CDH11: variants seen among roughly 807,000 people sequenced by gnomAD.
CDH11 encodes the protein cadherin 11, also known as cadherin-11.
Under a neutral mutation model 67.8 loss-of-function variants are expected in CDH11, and 11 were observed. The observed-to-expected ratio is 0.16, with a 90% confidence interval of 0.10 to 0.27. CDH11 has a LOEUF of 0.27. Among genes scored for constraint, CDH11 ranks in the 10% least tolerant of loss-of-function variants. CDH11 has a pLI of 1.00. For missense variants in CDH11, 847 were observed against 1,031.2 expected (o/e 0.82, Z 2.45); for synonymous variants, 419 against 400.0 (o/e 1.05, Z -0.57).
At chr16:64,948,713 G>T (rs1355907100) in intron 12 of CDH11, 9 of 1,603,984 alleles carry the variant, frequency 5.6e-6, no homozygotes, top group African/African-American at 2.7e-5. Context: ...TAGGAAAATA[G>T]CATCAGCTGG....
chr16:65,021,181 T>C (rs1269430677), intron 2 of CDH11, among the ~76,000 whole-genome samples: 1 of 152,150 alleles, frequency 6.6e-6, no homozygotes, highest in Non-Finnish European at 1.5e-5. Flanking sequence ...ATTCCCTACA[T>C]AGTTATTACA....
At chr16:64,970,530 T>C (rs2071976841) in intron 11 of CDH11, among the ~76,000 whole-genome samples, 1 of 152,176 alleles carries the variant, frequency 6.6e-6, no homozygotes, top group Admixed American at 6.5e-5. Flanking sequence ...TATGGTGGTG[T>C]TAAGAAAATT....
chr16:65,066,700 T>A (rs1266476575), intron 1 of CDH11, among the ~76,000 whole-genome samples: 2 of 152,230 alleles, frequency 1.3e-5, no homozygotes, highest in African/African-American at 2.4e-5. Context: ...GTCATTCTGT[T>A]CTTATGTGTT....
At chr16:65,013,369 G>A (rs1214000031) in intron 2 of CDH11, among the ~76,000 whole-genome samples, 1 of 152,158 alleles carries the variant, frequency 6.6e-6, no homozygotes, top group African/African-American at 2.4e-5. Flanking sequence ...TGTCAGAGGT[G>A]TGCAGGAGAA....
At chr16:65,100,809 G>A (rs117568662) in intron 1 of CDH11, among the ~76,000 whole-genome samples, 3,528 of 151,986 alleles carry the variant, frequency 0.023, 52 homozygotes, top group Non-Finnish European at 0.035. Flanking sequence ...CTGGAGTAAG[G>A]GGGCAGCCAG....
intron 2 of CDH11, among the ~76,000 whole-genome samples, chr16:65,037,850 C>G (rs1017420638): frequency 2.6e-5 from 4 of 152,086 alleles, no homozygotes; most frequent in Admixed American, 6.5e-5. Flanking sequence ...AGAGCAGTCA[C>G]TTGCCCAGTA....
chr16:65,023,102 G>C (rs1051957252), intron 2 of CDH11, among the ~76,000 whole-genome samples: 10 of 150,330 alleles, frequency 6.7e-5, no homozygotes, highest in African/African-American at 2.2e-4. Flanking sequence ...TGAGAGAAGG[G>C]GCAACAACAG....
chr16:64,997,618 G>A (rs946450316), intron 4 of CDH11, among the ~76,000 whole-genome samples: 2 of 152,102 alleles, frequency 1.3e-5, no homozygotes, highest in Non-Finnish European at 2.9e-5. Flanking sequence ...GGACTGGGCA[G>A]GGAAAATGGA....
At chr16:64,952,682 A>G (rs397832703) in intron 11 of CDH11, among the ~76,000 whole-genome samples, 1 of 151,678 alleles carries the variant, frequency 6.6e-6, no homozygotes, top group Admixed American at 6.6e-5. Context: ...ATACACACAC[A>G]CACTCACACT....
chr16:65,113,817 G>A (rs769821959), intron 1 of CDH11, among the ~76,000 whole-genome samples: 31 of 152,164 alleles, frequency 2.0e-4, no homozygotes, highest in East Asian at 5.8e-4. Context: ...GATTTCCACC[G>A]CACCCCTCTG....
rs1328020638 is a variant in CDH11, at chr16:65,121,317, G to T, written c.-298+563C>A. On this transcript the variant is annotated intron_variant, in intron 1 of 12. Transcript: ENST00000268603. This position sits in a 1 kb window ranked among gnomAD's most constrained non-coding sequence, Gnocchi z 4.1. ...TTAAAGTGCGGGCAATCTCCTTCCG[G>T]AGCTGGGGTCTTTCCGTTTTCCCGG... Among the ~76,000 whole-genome samples the T allele has an allele frequency of 6.6e-6, 1 of 152,190 alleles. No homozygotes were observed. Among genetic ancestry groups the T allele is most frequent in the Non-Finnish European group, 1.5e-5 (1 of 68,034 alleles).
intron 8 of CDH11, among the ~76,000 whole-genome samples, chr16:64,975,804 A>T (rs961899107): frequency 1.3e-5 from 2 of 152,182 alleles, no homozygotes; most frequent in African/African-American, 4.8e-5. Context: ...CCTCAGCACT[A>T]CACAATATAA....
chr16:64,979,174 G>C lies in CDH11; in HGVS notation c.1253+2874C>G, dbSNP rs373041489. Among the ~76,000 whole-genome samples the C allele has an allele frequency of 1.6e-3, 250 of 152,362 alleles. 8 individuals carry two copies. The South Asian group carries it at 0.05, about 31-fold the overall frequency. ...GCACATAAAAAGATGCTCAGGCCAG[G>C]TGCAGTGGCTCATGCGTGTAATTCC... is the stretch of plus-strand genomic sequence containing the variant. On this transcript the variant is annotated intron_variant, in intron 8 of 12. Transcript: ENST00000268603.
rs143842835 is a variant in CDH11 at position 64,947,840 on chromosome 16, A to G, written c.2154T>C (p.Asp718=). 6.2e-6 allele frequency: 10 copies of G among 1,614,068 alleles called. No individual in the cohort carries two copies. In the East Asian group the frequency reaches 1.1e-4, roughly 18 times the overall value. The change falls in exon 13 of 13, where the codon GAT becomes GAC. Residue 718 remains aspartate (D), a synonymous_variant. Transcript: ENST00000268603. ...LRPAPNSVDV[D]DFINTRIQEA... is the part of the protein sequence containing the mutation. ...CCTGTATTCTCGTGTTGATGAAGTCATCGACATCCACGCTGTTGGGCGCTG... is the reference window on the plus strand; with the variant it reads ...CCTGTATTCTCGTGTTGATGAAGTCGTCGACATCCACGCTGTTGGGCGCTG...
chr16:65,099,728 T>C (rs1033498855), intron 1 of CDH11, among the ~76,000 whole-genome samples: 6 of 152,176 alleles, frequency 3.9e-5, no homozygotes, highest in African/African-American at 1.4e-4. Flanking sequence ...CAAGATTATT[T>C]AAGTCCTTCA....
intron 1 of CDH11, among the ~76,000 whole-genome samples, chr16:65,084,471 A>G (rs555666862): frequency 4.7e-4 from 72 of 151,758 alleles, no homozygotes; most frequent in African/African-American, 1.5e-3. Context: ...AGAAAAAGAA[A>G]AAGAAGAAGA....
At chr16:64,960,368 A>G (rs997286935) in intron 11 of CDH11, among the ~76,000 whole-genome samples, 2 of 152,166 alleles carry the variant, frequency 1.3e-5, no homozygotes, top group African/African-American at 4.8e-5. Flanking sequence ...TTCACTTTTA[A>G]TTTATGCATT....
In CDH11 at chr16:64,992,470, C is replaced by T. The variant is rs149103362; in HGVS notation, c.643+445G>A. Among the ~76,000 whole-genome samples, 327 of 152,298 alleles carry T rather than the reference C, an allele frequency of 2.1e-3. 9 individuals carry two copies. The East Asian group carries it at 0.033, about 15-fold the overall frequency. ...ACATACTGTCTATTATCACCTGTCACGGAAAACAATGATAAATTAATAACT... is the reference window on the plus strand; with the variant it reads ...ACATACTGTCTATTATCACCTGTCATGGAAAACAATGATAAATTAATAACT... On this transcript the variant is annotated intron_variant, in intron 5 of 12. Coordinates refer to ENST00000268603, the MANE Select transcript of CDH11 (RefSeq NM_001797.4).
chr16:65,103,507 GATGGCAAGC>G (rs2075024914), intron 1 of CDH11, among the ~76,000 whole-genome samples: 1 of 152,174 alleles, frequency 6.6e-6, no homozygotes, highest in Non-Finnish European at 1.5e-5. Context: ...TAGCTTATAT[GATGGCAAGC>G]ATGTTATGTA....
Sources: gnomAD v4.1 joint callset for allele counts (sites outside exome capture counted in the v4.1 genomes callset) on GRCh38, gnomAD v4.1.1 for gene constraint, Gnocchi (gnomAD v3.1) non-coding constraint, MANE v1.5 for transcripts, NCBI Gene and HGNC (gene_info 2026-07-23, HGNC 2026-07-21) for gene names.